The following TLR7 variants were observed in gnomAD, a reference collection of about 807,000 sequenced individuals.
TLR7 encodes toll-like receptor 7.
TLR7 carries 12 observed loss-of-function variants against 38.3 expected under a neutral mutation model. The ratio of observed to expected loss-of-function variants is 0.31; its 90% CI spans 0.20 to 0.51. The LOEUF (loss-of-function observed/expected upper bound fraction) is 0.51. Among genes scored for constraint, TLR7 ranks in the 20% least tolerant of loss-of-function variants. TLR7 has a pLI of 0.98. For missense variants in TLR7, 504 were observed against 743.4 expected (o/e 0.68, Z 3.74); for synonymous variants, 285 against 293.8 (o/e 0.97, Z 0.31).
At position 12,888,103 on chromosome X, in the gene TLR7, G is replaced by A; in HGVS notation, c.2595G>A (p.Trp865Ter). ...VMMTASHLYF[W>*]DVWYIYHFCK... ...TGACAGCAAGTCACCTCTATTTCTG[G>A]GATGTGTGGTATATTTACCATTTCT... The change falls in exon 3 of 3, where the codon TGG (tryptophan) becomes TGA (stop). Residue 865 changes from tryptophan (W) to a stop codon, truncating the protein, a stop_gained. Transcript: ENST00000380659. LOFTEE classifies it high-confidence loss of function. The A allele has an allele frequency of 8.3e-7, 1 of 1,210,374 alleles. No homozygotes were observed. The highest frequency in any genetic ancestry group is 1.1e-6 in the Non-Finnish European group (1 of 894,412).
At position 12,885,507 on chromosome X, in the gene TLR7, T is replaced by C. The variant is rs967677149; in HGVS notation, c.4-5T>C. ...ACAATGATTTGTTCTTTCTTATACTTTCAGGTGTTTCCAATGTGGACACTG... is the reference window on the plus strand; with the variant it reads ...ACAATGATTTGTTCTTTCTTATACTCTCAGGTGTTTCCAATGTGGACACTG... On this transcript the variant is annotated splice_polypyrimidine_tract_variant and splice_region_variant and intron_variant, in intron 2 of 2. Coordinates refer to ENST00000380659, the MANE Select transcript of TLR7 (RefSeq NM_016562.4). The C allele has an allele frequency of 2.5e-6, 3 of 1,178,104 alleles. No individual in the cohort carries two copies. Among genetic ancestry groups the C allele is most frequent in the African/African-American group, 1.8e-5 (1 of 56,535 alleles).
rs766361534 is a variant in TLR7, at chrX:12,881,581, C to A, written c.4-3931C>A. On this transcript the variant is annotated intron_variant, in intron 2 of 2. Transcript: ENST00000380659. Reference sequence around the variant, plus strand: ...ATTCTTTTTAATAAATAATAAATAACTGAGTTATTTATTCTTTTTTTTTTA... The same window carrying A: ...ATTCTTTTTAATAAATAATAAATAAATGAGTTATTTATTCTTTTTTTTTTA... Among the ~76,000 whole-genome samples, 317 of 89,512 alleles carry A rather than the reference C, an allele frequency of 3.5e-3. 2 individuals are homozygous for A. The highest frequency in any genetic ancestry group is 5.1e-3 in the Non-Finnish European group (220 of 43,086). 77.7% of individuals were successfully genotyped at this position (89,512 alleles called of 115,157 possible).
intron 2 of TLR7, among the ~76,000 whole-genome samples, chrX:12,882,838 C>T (rs1019934264): frequency 4.5e-5 from 5 of 111,790 alleles, no homozygotes; most frequent in East Asian, 2.8e-4. Context: ...CTCAATTCAG[C>T]GATCCTCCCA....
chrX:12,874,935 C>T (rs980606239), intron 2 of TLR7, among the ~76,000 whole-genome samples: 5 of 108,208 alleles, frequency 4.6e-5, no homozygotes, highest in Non-Finnish European at 7.6e-5. Context: ...ATTTGGAAAG[C>T]GTAAAGTTAA....
At position 12,886,365 on chromosome X, in the gene TLR7, T is replaced by C; in HGVS notation, c.857T>C (p.Phe286Ser). 8.3e-7 allele frequency: 1 copy of C among 1,212,041 alleles called. No individual in the cohort carries two copies. The highest frequency in any genetic ancestry group is 1.1e-6 in the Non-Finnish European group (1 of 895,584). ...CCCCTACAGATCCCTGTAAATGCTT[T>C]TGATGCGCTGACAGAATTAAAAGTT... The part of the protein sequence containing the change: ...NSPLQIPVNA[F>S]DALTELKVLR... The change falls in exon 3 of 3, where the codon TTT becomes TCT. Residue 286 changes from phenylalanine to serine, a missense_variant. Transcript: ENST00000380659.
At position 12,885,856 on chromosome X, in the gene TLR7, G is replaced by A. The variant is rs200606869; in HGVS notation, c.348G>A (p.Leu116=). ...GSKNNMCIKR[L]QIKPRSFSGL... ...AAAACAACATGTGCATCAAGAGGCT[G>A]CAGATTAAACCCAGAAGCTTTAGTG... Residue 116 remains leucine, a synonymous_variant, in exon 3 of 3, where the codon CTG becomes CTA. Coordinates refer to ENST00000380659, the MANE Select transcript of TLR7 (RefSeq NM_016562.4). The A allele has an allele frequency of 1.1e-5, 13 of 1,210,311 alleles. 1 individual carries two copies. In the East Asian group the frequency reaches 3.6e-4, roughly 33 times the overall value.
chrX:12,871,548 G>A (rs756583212), intron 2 of TLR7, among the ~76,000 whole-genome samples: 25 of 112,110 alleles, frequency 2.2e-4, no homozygotes, highest in Admixed American at 1.5e-3. Flanking sequence ...CCAGACCCCC[G>A]CTGCAGGCTC....
chrX:12,883,853 G>A (rs2042901018), intron 2 of TLR7, among the ~76,000 whole-genome samples: 1 of 111,562 alleles, frequency 9.0e-6, no homozygotes. Context: ...GTGACAAGAA[G>A]AAGAGACAAT....
intron 2 of TLR7, among the ~76,000 whole-genome samples, chrX:12,871,150 C>T (rs1473346118): frequency 9.0e-6 from 1 of 111,669 alleles, no homozygotes; most frequent in African/African-American, 3.3e-5. Flanking sequence ...TGGTTTACAA[C>T]CTTGTACTTA....
In TLR7 at chrX:12,888,695, G is replaced by T; in HGVS notation, c.*37G>T. The T allele has an allele frequency of 8.7e-7, 1 of 1,143,828 alleles. No homozygotes were observed. Among genetic ancestry groups the T allele is most frequent in the Non-Finnish European group, 1.2e-6 (1 of 859,059 alleles). 94.3% of individuals were successfully genotyped at this position (1,143,828 alleles called of 1,213,427 possible). Reference sequence around the variant, plus strand: ...AAAACACAACTGCCTAGTTTACCAAGGAGAGGCCTGGCTGTTTAAATTGTT... The same window carrying T: ...AAAACACAACTGCCTAGTTTACCAATGAGAGGCCTGGCTGTTTAAATTGTT... On this transcript the variant is annotated 3_prime_UTR_variant, in exon 3 of 3. Coordinates refer to ENST00000380659, the MANE Select transcript of TLR7 (RefSeq NM_016562.4).
intron 2 of TLR7, among the ~76,000 whole-genome samples, chrX:12,877,007 A>T (rs1358567186): frequency 8.9e-6 from 1 of 112,193 alleles, no homozygotes; most frequent in Non-Finnish European, 1.9e-5. Flanking sequence ...TTGATGCCGA[A>T]CCCTTAAATC....
chrX:12,881,110 C>T (rs1009495274), intron 2 of TLR7, among the ~76,000 whole-genome samples: 9 of 109,433 alleles, frequency 8.2e-5, no homozygotes, highest in Non-Finnish European at 1.3e-4. Context: ...ACCTGTAATC[C>T]CAGCTACTTG....
chrX:12,885,633 T>A lies in TLR7; in HGVS notation c.125T>A (p.Val42Asp). The A allele has an allele frequency of 8.3e-7, 1 of 1,211,995 alleles. No individual in the cohort carries two copies. The highest frequency in any genetic ancestry group is 3.0e-5 in the East Asian group (1 of 33,863). ...CTGCCCTGTGATGTCACTCTGGATG[T>A]TCCAAAGAACCATGTGATCGTGGAC... ...KTLPCDVTLD[V>D]PKNHVIVDCT... The change falls in exon 3 of 3, where the codon GTT (valine) becomes GAT (aspartate). Residue 42 changes from valine to aspartate, a missense_variant. Physicochemically the swap from Val to Asp is radical, Grantham distance 152 (BLOSUM62 -3). Transcript: ENST00000380659.
intron 2 of TLR7, among the ~76,000 whole-genome samples, chrX:12,884,481 C>T (rs894578663): frequency 1.8e-5 from 2 of 112,170 alleles, no homozygotes; most frequent in Non-Finnish European, 3.8e-5. Flanking sequence ...ACGGTTAAAG[C>T]ATTCTGTAAG....
intron 2 of TLR7, 26 bp from the exon 3 acceptor site, chrX:12,885,486 T>C: frequency 8.8e-7 from 1 of 1,137,376 alleles, no homozygotes; most frequent in Non-Finnish European, 1.2e-6. Context: ...TTTAGAACAA[T>C]GATTTGTTCT....
chrX:12,879,204 C>A (rs961839393), intron 2 of TLR7, among the ~76,000 whole-genome samples: 3 of 111,819 alleles, frequency 2.7e-5, no homozygotes, highest in East Asian at 5.6e-4. Flanking sequence ...CCCTCCAAGA[C>A]AAGATAGCAT....
chrX:12,873,280 C>T (rs1159175350), intron 2 of TLR7, among the ~76,000 whole-genome samples: 1 of 112,256 alleles, frequency 8.9e-6, no homozygotes, highest in East Asian at 2.8e-4. Context: ...TCCTACCCCA[C>T]ATTCCTGATC....
At position 12,876,569 on chromosome X, in the gene TLR7, GTAATATAA is replaced by G. The variant is rs1487937835; in HGVS notation, c.4-8942_4-8935del. 3.6e-5 allele frequency among the ~76,000 whole-genome samples: 4 copies of G among 111,928 alleles called. No homozygotes were observed. The Admixed American group carries it at 3.8e-4, about 11-fold the overall frequency. Reference sequence around the variant, plus strand: ...AACTTCAGTGTGAGGGATCAATGATGTAATATAAACAACAAGTCTGCCTTAGAACCTGG... The same window carrying G: ...AACTTCAGTGTGAGGGATCAATGATGACAACAAGTCTGCCTTAGAACCTGG... On this transcript the variant is annotated intron_variant, in intron 2 of 2. Transcript: ENST00000380659.
At chrX:12,884,845 C>T (rs1305248042) in intron 2 of TLR7, among the ~76,000 whole-genome samples, 4 of 112,108 alleles carry the variant, frequency 3.6e-5, no homozygotes, top group African/African-American at 1.3e-4. Context: ...AAATGCTCAT[C>T]CTAAAATCTC....
Sources: allele counts gnomAD v4.1 joint callset (sites outside exome capture counted in the v4.1 genomes callset), GRCh38; gene constraint gnomAD v4.1.1; transcripts MANE v1.5; gene names NCBI Gene and HGNC (gene_info 2026-07-23, HGNC 2026-07-21).